The following LEKR1 variants were observed in gnomAD, a reference collection of about 807,000 sequenced individuals.
LEKR1 encodes the protein protein LEKR1.
A neutral mutation model predicts 72.4 loss-of-function variants in LEKR1; 59 were observed. That is an observed-to-expected ratio of 0.82 (90% CI 0.66 to 1.01). LEKR1 has a LOEUF of 1.01. Among genes scored for constraint, LEKR1 ranks in the 50% least tolerant of loss-of-function variants. The probability of loss-of-function intolerance (pLI) is 0.00; values close to 1 mark genes in which losing one functional copy is unlikely to be tolerated. For missense variants in LEKR1, 728 were observed against 759.2 expected (o/e 0.96, Z 0.48); for synonymous variants, 257 against 263.2 (o/e 0.98, Z 0.23).
At chr3:156,971,871 C>G (rs1490745131) in intron 6 of LEKR1, among the ~76,000 whole-genome samples, 3 of 152,066 alleles carry the variant, frequency 2.0e-5, no homozygotes, top group Non-Finnish European at 4.4e-5. Flanking sequence ...AGAGAAATAG[C>G]AACACTTTTA....
At chr3:156,835,324 T>C (rs944830239) in intron 2 of LEKR1, among the ~76,000 whole-genome samples, 1 of 152,210 alleles carries the variant, frequency 6.6e-6, no homozygotes, top group African/African-American at 2.4e-5. Context: ...AATATGTAAA[T>C]TTCTAAATTG....
intron 12 of LEKR1, among the ~76,000 whole-genome samples, chr3:157,044,389 T>C (rs899932634): frequency 6.6e-6 from 1 of 152,192 alleles, no homozygotes; most frequent in African/African-American, 2.4e-5. Context: ...AGACAAAACA[T>C]AGGTAACACC....
chr3:156,890,860 CT>C (rs111265584), intron 3 of LEKR1, among the ~76,000 whole-genome samples: 322 of 135,682 alleles, frequency 2.4e-3, no homozygotes, highest in East Asian at 8.2e-3. Flanking sequence ...AAAAGTTATC[CT>C]TTTTTTTTTT....
intron 3 of LEKR1, 35 bp from the exon 4 acceptor site, chr3:156,920,540 G>A (rs1724092851): frequency 2.3e-6 from 3 of 1,324,342 alleles, no homozygotes; most frequent in Non-Finnish European, 3.1e-6. Flanking sequence ...GTACATATGA[G>A]AGAATACTTA....
chr3:156,991,091 A>T (rs1457721845), intron 7 of LEKR1, among the ~76,000 whole-genome samples: 1 of 152,222 alleles, frequency 6.6e-6, no homozygotes, highest in East Asian at 1.9e-4. Context: ...CTTTAAAATA[A>T]AAGCAAAATT....
At chr3:156,937,873 A>C in intron 5 of LEKR1, among the ~76,000 whole-genome samples, 1 of 152,222 alleles carries the variant, frequency 6.6e-6, no homozygotes, top group Admixed American at 6.5e-5. Context: ...ACTTGAATGA[A>C]CCTCAACTAA....
intron 3 of LEKR1, among the ~76,000 whole-genome samples, chr3:156,879,097 G>A (rs1718971309): frequency 6.6e-6 from 1 of 152,158 alleles, no homozygotes; most frequent in Admixed American, 6.5e-5. Context: ...AAATGTGGAA[G>A]CAACTTTGGA....
chr3:156,844,648 T>G, intron 2 of LEKR1, among the ~76,000 whole-genome samples: 1 of 108,706 alleles, frequency 9.2e-6, no homozygotes, highest in African/African-American at 4.0e-5. Context: ...TTTTTCAATC[T>G]GTAATTTTCT....
At chr3:156,973,377 CAT>C (rs1021554830) in intron 6 of LEKR1, among the ~76,000 whole-genome samples, 15 of 151,900 alleles carry the variant, frequency 9.9e-5, no homozygotes, top group African/African-American at 3.6e-4. Context: ...GGAAGACACC[CAT>C]ATATAGATGC....
intron 9 of LEKR1, 27 bp downstream of exon 9, chr3:156,993,304 A>G: frequency 6.8e-7 from 1 of 1,461,282 alleles, no homozygotes; most frequent in Non-Finnish European, 9.3e-7. Flanking sequence ...TTTCTTACAA[A>G]AACATTTTAT....
At chr3:157,040,049 C>A (rs1202434804) in intron 12 of LEKR1, among the ~76,000 whole-genome samples, 1 of 151,966 alleles carries the variant, frequency 6.6e-6, no homozygotes, top group Admixed American at 6.6e-5. Flanking sequence ...GTGAACTGAC[C>A]ACCTGAGAAC....
At chr3:156,855,335 T>C (rs1246693856) in intron 3 of LEKR1, among the ~76,000 whole-genome samples, 1 of 152,164 alleles carries the variant, frequency 6.6e-6, no homozygotes, top group Admixed American at 6.6e-5. Flanking sequence ...TTTTTCAATC[T>C]CTTGAGTGAA....
intron 10 of LEKR1, chr3:157,017,244 A>G (rs929744836): frequency 6.6e-6 from 1 of 152,244 alleles, no homozygotes; most frequent in African/African-American, 2.4e-5. Context: ...GTAGTTGGCT[A>G]AACTCTGGTC....
In LEKR1 at chr3:156,984,955, G is replaced by A. The variant is rs184325797; in HGVS notation, c.827+5680G>A. 2.0e-4 allele frequency among the ~76,000 whole-genome samples: 30 copies of A among 151,796 alleles called. No homozygotes were observed. The East Asian group carries it at 2.9e-3, about 15-fold the overall frequency. Reference sequence around the variant, plus strand: ...CTATTATTGAGATATAAATATCAGCGTTCTCCTGATTTTCCTCTCACCTTC... The same window carrying A: ...CTATTATTGAGATATAAATATCAGCATTCTCCTGATTTTCCTCTCACCTTC... On this transcript the variant is annotated intron_variant, in intron 7 of 12. Transcript: ENST00000356539.
Position 156,910,683 on chromosome 3 carries a change from T to C in LEKR1, c.264-9892T>C, listed in dbSNP as rs570138249. On this transcript the variant is annotated intron_variant, in intron 3 of 12. Coordinates refer to ENST00000356539, the MANE Select transcript of LEKR1 (RefSeq NM_001004316.3). ...AAGGACATGACTTCATTCTTTCTTATGGCTACATAGTATTCCATATATTCC... is the reference window on the plus strand; with the variant it reads ...AAGGACATGACTTCATTCTTTCTTACGGCTACATAGTATTCCATATATTCC... 9.2e-5 allele frequency among the ~76,000 whole-genome samples: 14 copies of C among 152,372 alleles called. 1 individual carries two copies. In the South Asian group the frequency reaches 2.9e-3, roughly 32 times the overall value.
intron 6 of LEKR1, among the ~76,000 whole-genome samples, chr3:156,946,522 C>T (rs1479326386): frequency 6.6e-6 from 1 of 151,298 alleles, no homozygotes; most frequent in African/African-American, 2.4e-5. Flanking sequence ...GTGTTCCAGA[C>T]TTAGAGGAAA....
At chr3:156,960,424 T>C (rs1728013585) in intron 6 of LEKR1, among the ~76,000 whole-genome samples, 1 of 152,104 alleles carries the variant, frequency 6.6e-6, no homozygotes. Context: ...TAGCTGGGAT[T>C]ACAGACATGC....
chr3:156,907,033 T>C (rs1722597645), intron 3 of LEKR1, among the ~76,000 whole-genome samples: 1 of 152,134 alleles, frequency 6.6e-6, no homozygotes, highest in Non-Finnish European at 1.5e-5. Context: ...TTTTTTCCAT[T>C]TATAAACCTG....
chr3:156,967,467 A>G (rs1327953755), intron 6 of LEKR1, among the ~76,000 whole-genome samples: 2 of 152,252 alleles, frequency 1.3e-5, no homozygotes, highest in Non-Finnish European at 2.9e-5. Context: ...CACGAGAACT[A>G]TGTGATGAAT....
Sources: gnomAD v4.1 joint callset for allele counts (sites outside exome capture counted in the v4.1 genomes callset) on GRCh38, gnomAD v4.1.1 for gene constraint, MANE v1.5 for transcripts, NCBI Gene and HGNC (gene_info 2026-07-23, HGNC 2026-07-21) for gene names.